The following REDIC1 variants were observed in gnomAD, a reference collection of about 807,000 sequenced individuals.
REDIC1 encodes the protein HEI10 Interacting Protein 1.
chr12:39,696,530 G>A, the REDIC1 span, among the ~76,000 whole-genome samples: 66 of 85,736 alleles, frequency 7.7e-4, no homozygotes, highest in African/African-American at 1.9e-3. Flanking sequence ...GCGACAGAGC[G>A]AGACTCTGTC....
chr12:39,673,353 T>G, the REDIC1 span, among the ~76,000 whole-genome samples: 1 of 152,224 alleles, frequency 6.6e-6, no homozygotes, highest in East Asian at 1.9e-4. Context: ...GTTATTTCAT[T>G]TTAGTCAGAT....
At chr12:39,827,274 A>G in the REDIC1 span, among the ~76,000 whole-genome samples, 34 of 152,084 alleles carry the variant, frequency 2.2e-4, no homozygotes, top group Non-Finnish European at 1.0e-4. Context: ...CCTCATAGCA[A>G]AGGCTCTTGG....
At chr12:39,706,556 T>C in the REDIC1 span, among the ~76,000 whole-genome samples, 1 of 152,116 alleles carries the variant, frequency 6.6e-6, no homozygotes, top group South Asian at 2.1e-4. Context: ...CTTCAAATTA[T>C]ACTACAGAAC....
chr12:39,751,286 G>A, the REDIC1 span, among the ~76,000 whole-genome samples: 10 of 152,180 alleles, frequency 6.6e-5, no homozygotes, highest in Non-Finnish European at 1.3e-4. Flanking sequence ...GCAGCCAGCA[G>A]ACACATGAAA....
At chr12:39,648,592 A>G in the REDIC1 span, among the ~76,000 whole-genome samples, 1 of 151,502 alleles carries the variant, frequency 6.6e-6, no homozygotes, top group East Asian at 1.9e-4. Context: ...AAATCTACTA[A>G]AAATGAAATT....
At chr12:39,905,909 T>C in the REDIC1 span, among the ~76,000 whole-genome samples, 8 of 152,080 alleles carry the variant, frequency 5.3e-5, no homozygotes, top group African/African-American at 1.9e-4. Flanking sequence ...AACACCTCTT[T>C]AGCTGTGACT....
chr12:39,868,565 T>C, the REDIC1 span, among the ~76,000 whole-genome samples: 1 of 152,174 alleles, frequency 6.6e-6, no homozygotes, highest in Non-Finnish European at 1.5e-5. Flanking sequence ...ATCCATGTTT[T>C]AAAATAAGTA....
the REDIC1 span, among the ~76,000 whole-genome samples, chr12:39,827,143 C>T: frequency 6.6e-6 from 1 of 151,888 alleles, no homozygotes; most frequent in Non-Finnish European, 1.5e-5. Context: ...GGATTCCTAA[C>T]ATGCCTCTAT....
chr12:39,738,584 T>C, the REDIC1 span, among the ~76,000 whole-genome samples: 3 of 152,230 alleles, frequency 2.0e-5, no homozygotes, highest in Non-Finnish European at 4.4e-5. Flanking sequence ...TGGAGTCTAA[T>C]AGAAGCATTT....
chr12:39,879,288 A>G, the REDIC1 span, among the ~76,000 whole-genome samples: 1 of 152,180 alleles, frequency 6.6e-6, no homozygotes, highest in South Asian at 2.1e-4. Flanking sequence ...AGAGTCCCCT[A>G]TTGCCTAGTG....
the REDIC1 span, among the ~76,000 whole-genome samples, chr12:39,840,984 G>A: frequency 1.3e-5 from 2 of 152,078 alleles, no homozygotes; most frequent in African/African-American, 4.8e-5. Flanking sequence ...AAGATAACAA[G>A]ATTGAAGCTT....
At chr12:39,887,072 T>C in the REDIC1 span, among the ~76,000 whole-genome samples, 1 of 152,164 alleles carries the variant, frequency 6.6e-6, no homozygotes, top group Admixed American at 6.6e-5. Flanking sequence ...AAAGAGACTG[T>C]TATGGAAATT....
chr12:39,712,567 GTATATACGT>G, the REDIC1 span, among the ~76,000 whole-genome samples: 1 of 138,412 alleles, frequency 7.2e-6, no homozygotes, highest in African/African-American at 2.6e-5. Flanking sequence ...GTGTATATAC[GTATATACGT>G]ATATATGTAT....
At chr12:39,780,007 T>C in the REDIC1 span, among the ~76,000 whole-genome samples, 2 of 152,216 alleles carry the variant, frequency 1.3e-5, no homozygotes, top group African/African-American at 4.8e-5. Flanking sequence ...TTCCATCAAG[T>C]GTGAGTTCTG....
At chr12:39,769,599 G>T in the REDIC1 span, among the ~76,000 whole-genome samples, 4 of 151,856 alleles carry the variant, frequency 2.6e-5, no homozygotes, top group East Asian at 7.7e-4. Flanking sequence ...CCTTTCTGAG[G>T]ACTGCCCTTC....
the REDIC1 span, among the ~76,000 whole-genome samples, chr12:39,661,320 T>C: frequency 6.6e-6 from 1 of 152,136 alleles, no homozygotes; most frequent in Non-Finnish European, 1.5e-5. Context: ...TGTTTGTTAT[T>C]TTTTTGTTTT....
the REDIC1 span, among the ~76,000 whole-genome samples, chr12:39,774,732 T>C: frequency 6.6e-6 from 1 of 152,112 alleles, no homozygotes; most frequent in African/African-American, 2.4e-5. Context: ...TGGGTAAATT[T>C]CAAAAGCCTT....
the REDIC1 span, among the ~76,000 whole-genome samples, chr12:39,784,038 AAGG>A: frequency 1.3e-5 from 2 of 152,364 alleles, no homozygotes; most frequent in South Asian, 2.1e-4. Context: ...GGACCTCTTC[AAGG>A]AGAACTACAA....
chr12:39,844,331 A>G, the REDIC1 span, among the ~76,000 whole-genome samples: 1 of 152,198 alleles, frequency 6.6e-6, no homozygotes, highest in Non-Finnish European at 1.5e-5. Flanking sequence ...CTATGGAGTC[A>G]AAGTTTAATG....
Sources: allele counts gnomAD v4.1 joint callset (sites outside exome capture counted in the v4.1 genomes callset), GRCh38; gene constraint gnomAD v4.1.1; transcripts MANE v1.5; gene names NCBI Gene and HGNC (gene_info 2026-07-23, HGNC 2026-07-21).